ENAH: variants seen among roughly 807,000 people sequenced by gnomAD.
ENAH encodes the protein ENAH actin regulator.
ENAH carries 23 observed loss-of-function variants against 78.7 expected under a neutral mutation model. That is an observed-to-expected ratio of 0.29 (90% CI 0.21 to 0.41). The LOEUF (loss-of-function observed/expected upper bound fraction) is 0.41. ENAH is among the 10% of genes least tolerant of loss of function. The pLI, the probability that ENAH is intolerant of heterozygous loss-of-function variation, is 1.00. For synonymous variants in ENAH, 226 were observed against 241.0 expected (o/e 0.94, Z 0.58); for missense variants, 544 against 691.0 (o/e 0.79, Z 2.39).
intron 13 of ENAH, 143 bp downstream of exon 13, chr1:225,498,204 A>G (rs1217032156): frequency 3.0e-6 from 2 of 661,332 alleles, no homozygotes; most frequent in Non-Finnish European, 5.2e-6. Context: ...CCTCCTCCCC[A>G]AAACCCTAAT....
chr1:225,650,804 C>T (rs531148731), intron 1 of ENAH, among the ~76,000 whole-genome samples: 9 of 145,012 alleles, frequency 6.2e-5, no homozygotes, highest in African/African-American at 2.1e-4. Flanking sequence ...GAGCCGAGAC[C>T]GCGCCACTGC....
intron 1 of ENAH, among the ~76,000 whole-genome samples, chr1:225,601,103 C>T (rs1347524558): frequency 2.0e-5 from 3 of 152,062 alleles, no homozygotes; most frequent in African/African-American, 7.2e-5. Context: ...ATATATTCAA[C>T]AATTAACAGA....
At chr1:225,517,368 TGGA>T (rs1334626701) in intron 5 of ENAH, 62 bp from the exon 6 acceptor site, 2 of 1,551,344 alleles carry the variant, frequency 1.3e-6, no homozygotes, top group African/African-American at 1.4e-5. Flanking sequence ...TAGGGGTGCT[TGGA>T]GGAGGAGAAG....
chr1:225,545,910 CTTTTTT>C (rs56105983), intron 3 of ENAH, among the ~76,000 whole-genome samples: 10 of 109,418 alleles, frequency 9.1e-5, no homozygotes, highest in South Asian at 3.2e-4. Flanking sequence ...CATCTGTAAA[CTTTTTT>C]TTTTTTTTTT....
At chr1:225,583,381 C>T (rs2096828866) in intron 1 of ENAH, among the ~76,000 whole-genome samples, 1 of 146,596 alleles carries the variant, frequency 6.8e-6, no homozygotes, top group East Asian at 2.0e-4. Context: ...TTGCAGTGAG[C>T]CAAGATCGCG....
At chr1:225,552,134 C>CTTTTTTTTTTTTT (rs397983036) in intron 3 of ENAH, among the ~76,000 whole-genome samples, 5 of 115,964 alleles carry the variant, frequency 4.3e-5, no homozygotes, top group Non-Finnish European at 8.4e-5. Flanking sequence ...ACTCCTGATT[C>CTTTTTTTTTTTTT]TTTTTTTTTT....
intron 3 of ENAH, among the ~76,000 whole-genome samples, chr1:225,542,016 G>A (rs998460593): frequency 2.0e-5 from 3 of 152,146 alleles, no homozygotes; most frequent in African/African-American, 7.2e-5. Flanking sequence ...GAGTATCTGG[G>A]ACTACAGGTG....
At chr1:225,569,713 G>A (rs939788426) in intron 1 of ENAH, among the ~76,000 whole-genome samples, 9 of 151,978 alleles carry the variant, frequency 5.9e-5, no homozygotes, top group African/African-American at 2.2e-4. Flanking sequence ...AAATTAACTG[G>A]TTTTCTGAAG....
At chr1:225,633,487 T>C (rs1250416590) in intron 1 of ENAH, among the ~76,000 whole-genome samples, 3 of 152,112 alleles carry the variant, frequency 2.0e-5, no homozygotes, top group Non-Finnish European at 2.9e-5. Context: ...AGAAACAGCA[T>C]TGAAAGGTAA....
intron 7 of ENAH, 22 bp downstream of exon 7, chr1:225,514,574 A>C: frequency 1.2e-6 from 2 of 1,600,050 alleles, no homozygotes; most frequent in Non-Finnish European, 1.7e-6. Context: ...ATATTAAAAA[A>C]ATTTTTCAGA....
Position 225,652,740 on chromosome 1 carries a change from G to T in ENAH, c.-50C>A. 1 of 1,311,134 alleles carries T rather than the reference G, an allele frequency of 7.6e-7. No homozygotes were observed. Among genetic ancestry groups the T allele is most frequent in the Non-Finnish European group, 9.7e-7 (1 of 1,031,620 alleles). The allele number at this position is 1,311,134 out of a possible 1,614,324, so 81.2% of individuals were successfully genotyped here. On this transcript the variant is annotated 5_prime_UTR_variant, in exon 1 of 14. Coordinates refer to ENST00000366843, the MANE Select transcript of ENAH (RefSeq NM_018212.6). Reference sequence around the variant, plus strand: ...CCACCAGCCGGGAGACGCAGAAGGCGCCGAGCCGAGGGGGGGGTCTCTCCT... The same window carrying T: ...CCACCAGCCGGGAGACGCAGAAGGCTCCGAGCCGAGGGGGGGGTCTCTCCT...
At position 225,492,365 on chromosome 1, in the gene ENAH, G is replaced by A. The variant is rs2096226209; in HGVS notation, c.*5410C>T. The A allele has an allele frequency of 6.6e-6, 1 of 152,112 alleles. No homozygotes were observed. The highest frequency in any genetic ancestry group is 2.4e-5 in the African/African-American group (1 of 41,398). The allele number at this position is 152,112 out of a possible 1,614,324, so 9.4% of individuals were successfully genotyped here. On this transcript the variant is annotated 3_prime_UTR_variant, in exon 14 of 14. Coordinates refer to ENST00000366843, the MANE Select transcript of ENAH (RefSeq NM_018212.6). ...GACCAGTTTACCGAGCTATTTAGAT[G>A]TCCTAACTACTAGGAATTATATGTC...
At chr1:225,653,854 C>G (rs1223967904), upstream of ENAH, among the ~76,000 whole-genome samples, 2 of 152,340 alleles carry the variant, frequency 1.3e-5, no homozygotes, top group African/African-American at 4.8e-5. The surrounding 1 kb of genome is among the most constrained non-coding windows in gnomAD (Gnocchi z 4.3). Context: ...TCATTGTTCC[C>G]TTCGCTCCTT....
In ENAH at chr1:225,511,816, G is replaced by A. The variant is rs754659202; in HGVS notation, c.1466C>T (p.Thr489Ile). The A allele has an allele frequency of 2.5e-6, 4 of 1,602,494 alleles. No homozygotes were observed. Among genetic ancestry groups the A allele is most frequent in the South Asian group, 1.1e-5 (1 of 90,356 alleles). Residue 489 changes from threonine to isoleucine, a missense_variant, in exon 10 of 14, where the codon ACA (threonine) becomes ATA (isoleucine). Thr to Ile is a moderately conservative substitution (Grantham distance 89). Coordinates refer to ENST00000366843, the MANE Select transcript of ENAH (RefSeq NM_018212.6). Reference sequence around the variant, plus strand: ...AATATTTATCTTGAACTTACCAGGTGTACTTGTTGAAGAGGCCTTAGAAGT... The same window carrying A: ...AATATTTATCTTGAACTTACCAGGTATACTTGTTGAAGAGGCCTTAGAAGT... ...PVTSKASSTSTPEPTRKPWER... is the reference protein window; with the variant it reads ...PVTSKASSTSIPEPTRKPWER...
intron 1 of ENAH, among the ~76,000 whole-genome samples, chr1:225,618,738 C>A (rs1278408820): frequency 6.6e-6 from 1 of 152,200 alleles, no homozygotes. Flanking sequence ...AGAACACTAT[C>A]TCTGTGCTTT....
At chr1:225,523,701 G>A (rs1462313424) in intron 4 of ENAH, among the ~76,000 whole-genome samples, 2 of 152,148 alleles carry the variant, frequency 1.3e-5, no homozygotes, top group African/African-American at 2.4e-5. Flanking sequence ...TGTGTGGCAT[G>A]AATAATTCCC....
At chr1:225,536,598 CTG>C (rs927428830) in intron 3 of ENAH, among the ~76,000 whole-genome samples, 18 of 151,172 alleles carry the variant, frequency 1.2e-4, no homozygotes, top group African/African-American at 4.1e-4. Context: ...TCCCCTAAGA[CTG>C]TTATTATTTA....
At chr1:225,514,119 T>C (rs559426262) in intron 7 of ENAH, among the ~76,000 whole-genome samples, 8 of 152,352 alleles carry the variant, frequency 5.3e-5, no homozygotes, top group African/African-American at 1.7e-4. Context: ...ATTTATACTA[T>C]TCTTACAACT....
intron 1 of ENAH, among the ~76,000 whole-genome samples, chr1:225,580,840 G>C (rs2096812818): frequency 1.3e-5 from 2 of 148,818 alleles, no homozygotes; most frequent in African/African-American, 5.0e-5. Flanking sequence ...GGTGGAAGTT[G>C]CAGTGAGCCG....
Sources: gnomAD v4.1 joint callset for allele counts (sites outside exome capture counted in the v4.1 genomes callset) on GRCh38, gnomAD v4.1.1 for gene constraint, Gnocchi (gnomAD v3.1) non-coding constraint, MANE v1.5 for transcripts, NCBI Gene and HGNC (gene_info 2026-07-23, HGNC 2026-07-21) for gene names.